The following MYH10 variants were observed in gnomAD, a reference collection of about 807,000 sequenced individuals.
MYH10 encodes myosin-10.
In MYH10, 55 loss-of-function variants were observed where a neutral mutation model predicts 257.8. The ratio of observed to expected loss-of-function variants is 0.21; its 90% CI spans 0.17 to 0.27. MYH10 has a LOEUF of 0.27. Among genes scored for constraint, MYH10 ranks in the 10% least tolerant of loss-of-function variants. The pLI is 1.00. For synonymous variants in MYH10, 854 were observed against 921.7 expected, an observed-to-expected ratio of 0.93 and a Z score of 1.33; for missense variants, 1,631 against 2,500.6, an observed-to-expected ratio of 0.65 and a Z score of 7.42.
chr17:8,500,416 A>G (rs1917341306), intron 29 of MYH10, among the ~76,000 whole-genome samples: 3 of 152,228 alleles, frequency 2.0e-5, no homozygotes, highest in African/African-American at 4.8e-5. Flanking sequence ...CAGGCAGGGA[A>G]GGACAAGAAG....
At chr17:8,591,570 C>T (rs896261265) in intron 3 of MYH10, among the ~76,000 whole-genome samples, 1 of 152,136 alleles carries the variant, frequency 6.6e-6, no homozygotes, top group Non-Finnish European at 1.5e-5. Flanking sequence ...CTCCACTATA[C>T]CAAGTTGTTT....
At chr17:8,487,316 C>G in intron 36 of MYH10, 117 bp downstream of exon 36, 1 of 1,244,932 alleles carries the variant, frequency 8.0e-7, no homozygotes, top group Non-Finnish European at 1.1e-6. Flanking sequence ...CCTGCTGCCC[C>G]ACCCCCGGCC....
rs765997799 is a variant in MYH10 at position 8,504,928 on chromosome 17, A to G, written c.3387-22T>C. On this transcript the variant is annotated intron_variant, in intron 27 of 42. Coordinates refer to ENST00000360416, the MANE Select transcript of MYH10 (RefSeq NM_001256012.3). This position sits in a 1 kb window ranked among gnomAD's most constrained non-coding sequence, Gnocchi z 5.6. ...ACCTCTGTTAAAACACCCAGGCGCA[A>G]GAGGCACTCAGAGATGGCACCCGGA... is the stretch of plus-strand genomic sequence containing the variant. 3 of 1,605,646 alleles carry G rather than the reference A, an allele frequency of 1.9e-6. No homozygotes were observed. Among genetic ancestry groups the G allele is most frequent in the Admixed American group, 3.3e-5 (2 of 59,960 alleles).
intron 17 of MYH10, among the ~76,000 whole-genome samples, chr17:8,523,589 G>C (rs902419724): frequency 2.6e-5 from 4 of 152,134 alleles, no homozygotes; most frequent in African/African-American, 9.7e-5. Flanking sequence ...GGAGGCACCA[G>C]TGTGAGGAGG....
chr17:8,569,867 T>G lies in MYH10; in HGVS notation c.664-55A>C. On this transcript the variant is annotated intron_variant, in intron 6 of 42. Coordinates refer to ENST00000360416, the MANE Select transcript of MYH10 (RefSeq NM_001256012.3). This position sits in a 1 kb window ranked among gnomAD's most constrained non-coding sequence, Gnocchi z 4.1. ...AGCAGATGTACGTTAATCTAATGTC[T>G]TTACTCAAGTCATCAGGGGAAAAAT... 7.8e-7 allele frequency: 1 copy of G among 1,281,260 alleles called. No homozygotes were observed. Among genetic ancestry groups the G allele is most frequent in the Non-Finnish European group, 1.1e-6 (1 of 923,740 alleles). The allele number at this position is 1,281,260 out of a possible 1,614,324, so 79.4% of individuals were successfully genotyped here.
intron 2 of MYH10, among the ~76,000 whole-genome samples, chr17:8,616,104 C>T (rs535807740): frequency 2.0e-5 from 3 of 152,096 alleles, no homozygotes; most frequent in South Asian, 2.1e-4. Context: ...GGCAACATGG[C>T]GAAACCCTGT....
intron 4 of MYH10, 116 bp from the exon 5 acceptor site, chr17:8,577,454 T>A: frequency 1.9e-6 from 1 of 533,190 alleles, no homozygotes; most frequent in Non-Finnish European, 3.2e-6. Flanking sequence ...ATAAAAAGAA[T>A]AAATAGAAAA....
chr17:8,498,797 G>A (rs1468171165), intron 30 of MYH10, among the ~76,000 whole-genome samples: 1 of 152,114 alleles, frequency 6.6e-6, no homozygotes, highest in African/African-American at 2.4e-5. Context: ...GCAGTGAGCA[G>A]AGATTGCGCC....
chr17:8,505,036 G>A lies in MYH10; in HGVS notation c.3387-130C>T, dbSNP rs1489831951. Reference sequence around the variant, plus strand: ...CCACATCCCTCCTCCTGGGGCCTGAGGCTGGTGCAGATGCTCAGCACCTGC... The same window carrying A: ...CCACATCCCTCCTCCTGGGGCCTGAAGCTGGTGCAGATGCTCAGCACCTGC... On this transcript the variant is annotated intron_variant, in intron 27 of 42. Transcript: ENST00000360416. 7.9e-6 allele frequency: 6 copies of A among 761,104 alleles called. No homozygotes were observed. In the African/African-American group the frequency reaches 1.0e-4, roughly 13 times the overall value. 47.1% of individuals were successfully genotyped at this position (761,104 alleles called of 1,614,324 possible).
chr17:8,499,510 T>G (rs1917185748), intron 29 of MYH10, 34 bp from the exon 30 acceptor site: 1 of 1,606,294 alleles, frequency 6.2e-7, no homozygotes, highest in African/African-American at 1.3e-5. Flanking sequence ...AATTCACTAG[T>G]TATTTTCTAA....
Position 8,520,996 on chromosome 17 carries a change from C to T in MYH10, c.2155G>A (p.Gly719Arg), listed in dbSNP as rs994943895. The T allele has an allele frequency of 1.2e-6, 2 of 1,611,236 alleles. No individual in the cohort carries two copies. Among genetic ancestry groups the T allele is most frequent in the South Asian group, 1.1e-5 (1 of 90,976 alleles). The change falls in exon 19 of 43, where the codon GGA (glycine) becomes AGA (arginine). Residue 719 changes from glycine to arginine, a missense_variant. Physicochemically the swap from Gly to Arg is moderately radical, Grantham distance 125. This residue lies in a region of MYH10 where 96 missense variants were observed against 146.2 expected (regional missense o/e 0.66). Coordinates refer to ENST00000360416, the MANE Select transcript of MYH10 (RefSeq NM_001256012.3). Reference protein sequence around the residue: ...CIIPNHEKRAGKLDPHLVLDQ... With the variant: ...CIIPNHEKRARKLDPHLVLDQ... ...AGGACTAGGTGTGGATCCAATTTTC[C>T]AGCCTAATCAAGCAAACAATAGTTT...
intron 16 of MYH10, among the ~76,000 whole-genome samples, chr17:8,531,450 A>G (rs555170703): frequency 6.6e-6 from 1 of 152,264 alleles, no homozygotes; most frequent in East Asian, 1.9e-4. Flanking sequence ...AAAGTAGGGC[A>G]TTATAAATCT....
At chr17:8,487,636 T>G in intron 35 of MYH10, 42 bp from the exon 36 acceptor site, 2 of 1,611,676 alleles carry the variant, frequency 1.2e-6, no homozygotes, top group Non-Finnish European at 1.7e-6. Flanking sequence ...CATCCAAGTA[T>G]CTGCTCGCAG....
chr17:8,595,620 C>T (rs1195438871), intron 3 of MYH10, among the ~76,000 whole-genome samples: 4 of 151,910 alleles, frequency 2.6e-5, no homozygotes, highest in Non-Finnish European at 5.9e-5. Flanking sequence ...TTAGTAGAGA[C>T]AGTTTTCTCC....
At position 8,555,854 on chromosome 17, in the gene MYH10, C is replaced by T. The variant is rs796876403; in HGVS notation, c.757-1836G>A. ...ATACCACAAAGAAAATGAAGAGAAG[C>T]CACAAACTGGGAGATAATATTTGGG... On this transcript the variant is annotated intron_variant, in intron 7 of 42. Transcript: ENST00000360416. Among the ~76,000 whole-genome samples, 24 of 151,698 alleles carry T rather than the reference C, an allele frequency of 1.6e-4. 1 individual carries two copies. The highest frequency in any genetic ancestry group is 5.8e-4 in the African/African-American group (24 of 41,352).
At chr17:8,604,294 T>A (rs755795680) in intron 3 of MYH10, among the ~76,000 whole-genome samples, 6 of 152,168 alleles carry the variant, frequency 3.9e-5, no homozygotes, top group Non-Finnish European at 8.8e-5. Context: ...TGTCCCTCCA[T>A]AAATCACTGT....
intron 11 of MYH10, among the ~76,000 whole-genome samples, chr17:8,547,543 TA>T (rs2082482854): frequency 6.6e-6 from 1 of 151,660 alleles, no homozygotes; most frequent in Non-Finnish European, 1.5e-5. Context: ...AAATTGGTTA[TA>T]AAAAACGATT....
rs190855765 is a variant in MYH10 at position 8,514,866 on chromosome 17, C to T, written c.2505-972G>A. Among the ~76,000 whole-genome samples, 6 of 152,280 alleles carry T rather than the reference C, an allele frequency of 3.9e-5. No homozygotes were observed. In the East Asian group the frequency reaches 1.2e-3, roughly 29 times the overall value. On this transcript the variant is annotated intron_variant, in intron 21 of 42. Coordinates refer to ENST00000360416, the MANE Select transcript of MYH10 (RefSeq NM_001256012.3). ...TCAGAACTTAGCGGCTTTTCCTCAGCCAAATCCAAGTGCCTGGCACGCTGC... is the reference window on the plus strand; with the variant it reads ...TCAGAACTTAGCGGCTTTTCCTCAGTCAAATCCAAGTGCCTGGCACGCTGC...
At position 8,494,543 on chromosome 17, in the gene MYH10, AT is replaced by A. The variant is rs529605907; in HGVS notation, c.4056+593del. Among the ~76,000 whole-genome samples, 69 of 147,976 alleles carry A rather than the reference AT, an allele frequency of 4.7e-4. No individual in the cohort carries two copies. The East Asian group carries it at 4.7e-3, about 10-fold the overall frequency. On this transcript the variant is annotated intron_variant, in intron 31 of 42. Transcript: ENST00000360416. Reference sequence around the variant, plus strand: ...TTATTCCACTTTTGGCCTGTCTGAGATTTTTTTTTTTAATCCCCAGCACCTA... The same window carrying A: ...TTATTCCACTTTTGGCCTGTCTGAGATTTTTTTTTTAATCCCCAGCACCTA...
Sources: gnomAD v4.1 joint callset for allele counts (sites outside exome capture counted in the v4.1 genomes callset) on GRCh38, gnomAD v4.1.1 for gene constraint, gnomAD v4.1.1 regional missense constraint, Gnocchi (gnomAD v3.1) non-coding constraint, MANE v1.5 for transcripts, NCBI Gene and HGNC (gene_info 2026-07-23, HGNC 2026-07-21) for gene names.